Variants in CDK5RAP2 observed in about 807,000 individuals in gnomAD.
CDK5RAP2 encodes CDK5 regulatory subunit-associated protein 2.
A neutral mutation model predicts 232.9 loss-of-function variants in CDK5RAP2; 147 were observed. The ratio of observed to expected loss-of-function variants is 0.63; its 90% confidence interval spans 0.55 to 0.72. CDK5RAP2 has a LOEUF of 0.72. Ranked by LOEUF, CDK5RAP2 falls within the 30% of genes least tolerant of loss-of-function variation. CDK5RAP2 has a pLI of 0.00. For synonymous variants in CDK5RAP2, 833 were observed against 833.7 expected (o/e 1.00, Z 0.01); for missense variants, 2,195 against 2,231.5 (o/e 0.98, Z 0.33).
intron 16 of CDK5RAP2, among the ~76,000 whole-genome samples, chr9:120,471,233 G>C (rs543020921): frequency 6.6e-6 from 1 of 152,314 alleles, no homozygotes; most frequent in Non-Finnish European, 1.5e-5. Flanking sequence ...CCAGGGGAGA[G>C]GGTCAAATCT....
chr9:120,494,970 C>A (rs1482161764), intron 12 of CDK5RAP2, among the ~76,000 whole-genome samples: 1 of 132,976 alleles, frequency 7.5e-6, no homozygotes, highest in Non-Finnish European at 1.6e-5. Flanking sequence ...ACCGCAGCCG[C>A]CGCCGCCCGA....
chr9:120,477,356 G>C lies in CDK5RAP2; in HGVS notation c.1721C>G (p.Ser574Ter). ...TCCAGACAGAAACGCTTACCTGTCT[G>C]ATTCCTGCAGAGATTTGACCAGATG... ...YTHLVKSLQE[S>*]DSINNLQAEL... Residue 574 changes from serine (S) to a stop codon, truncating the protein, a stop_gained, in exon 15 of 38, where the codon TCA (serine) becomes TGA (stop). Transcript: ENST00000349780. LOFTEE classifies it high-confidence loss of function. 1 of 1,612,444 alleles carries C rather than the reference G, an allele frequency of 6.2e-7. No individual in the cohort carries two copies. The highest frequency in any genetic ancestry group is 8.5e-7 in the Non-Finnish European group (1 of 1,178,812).
At chr9:120,576,408 A>G (rs2043032831) in intron 1 of CDK5RAP2, among the ~76,000 whole-genome samples, 1 of 152,228 alleles carries the variant, frequency 6.6e-6, no homozygotes, top group South Asian at 2.1e-4. Flanking sequence ...CATGTAATCA[A>G]TACCACAATG....
At position 120,451,020 on chromosome 9, in the gene CDK5RAP2, C is replaced by T. The variant is rs78684946; in HGVS notation, c.2793+2436G>A. 4.9e-3 allele frequency among the ~76,000 whole-genome samples: 752 copies of T among 152,310 alleles called. 9 individuals carry two copies. The highest frequency in any genetic ancestry group is 0.017 in the African/African-American group (715 of 41,568). ...GCTGGAAAATAACAATCATTTGCTT[C>T]GTCCTCAGTCTCCACCAATCTTTAT... On this transcript the variant is annotated intron_variant, in intron 21 of 37. Transcript: ENST00000349780.
At chr9:120,428,545 A>G (rs1169305117) in intron 25 of CDK5RAP2, among the ~76,000 whole-genome samples, 1 of 152,270 alleles carries the variant, frequency 6.6e-6, no homozygotes, top group East Asian at 1.9e-4. Context: ...CACTATCCCC[A>G]GACTAAACTA....
chr9:120,448,104 G>C lies in CDK5RAP2; in HGVS notation c.2816C>G (p.Pro939Arg), dbSNP rs1483512208. The C allele has an allele frequency of 6.2e-7, 1 of 1,614,068 alleles. No homozygotes were observed. Among genetic ancestry groups the C allele is most frequent in the Non-Finnish European group, 8.5e-7 (1 of 1,179,922 alleles). The change falls in exon 22 of 38, where the codon CCA (proline) becomes CGA (arginine). Residue 939 changes from proline to arginine, a missense_variant. Physicochemically the swap from Pro to Arg is moderately radical, Grantham distance 103 (BLOSUM62 -2). Coordinates refer to ENST00000349780, the MANE Select transcript of CDK5RAP2 (RefSeq NM_018249.6). ...TNREAKKSRL[P>R]ILIKPSRSLG... The stretch of plus-strand genomic sequence containing the variant: ...TGACCGGGATGGTTTTATTAGGATT[G>C]GCAAGCGGGACTTCTTAGCCTCCTG...
intron 5 of CDK5RAP2, 27 bp from the exon 6 acceptor site, chr9:120,539,191 C>T (rs1215919037): frequency 7.4e-6 from 12 of 1,613,492 alleles, no homozygotes; most frequent in Non-Finnish European, 1.0e-5. Flanking sequence ...AGGGGTAAAA[C>T]ATGCAAGGGT....
At chr9:120,437,207 G>C (rs1262235264) in intron 25 of CDK5RAP2, 88 bp downstream of exon 25, 2 of 916,580 alleles carry the variant, frequency 2.2e-6, no homozygotes, top group Non-Finnish European at 3.5e-6. Context: ...GATAACTAAG[G>C]CCAAGGAGTT....
rs2032803723 is a variant in CDK5RAP2 at position 120,399,473 on chromosome 9, T to C, written c.5451+1269A>G. Among the ~76,000 whole-genome samples, 3 of 152,204 alleles carry C rather than the reference T, an allele frequency of 2.0e-5. 1 individual carries two copies. Among genetic ancestry groups the C allele is most frequent in the Admixed American group, 2.0e-4 (3 of 15,272 alleles). On this transcript the variant is annotated intron_variant, in intron 35 of 37. Transcript: ENST00000349780. ...TAAACAAATATACAATTATAACTTG[T>C]TGAAAGGCTATGATGAAACAGAAGA...
At position 120,453,764 on chromosome 9, in the gene CDK5RAP2, G is replaced by C. The variant is rs1179652815; in HGVS notation, c.2485C>G (p.Gln829Glu). 1.2e-6 allele frequency: 2 copies of C among 1,614,032 alleles called. No homozygotes were observed. Among genetic ancestry groups the C allele is most frequent in the Non-Finnish European group, 1.7e-6 (2 of 1,180,016 alleles). Residue 829 changes from glutamine (Q) to glutamate (E), a missense_variant, in exon 21 of 38, where the codon CAA becomes GAA. Transcript: ENST00000349780. ...ACAAAATGTACAAGTTCACCTTTTT[G>C]CTTAGGTGTCTTCTCAGTTTTACCA... Reference protein sequence around the residue: ...LDGKTEKTPKQKGELVHFVQT... With the variant: ...LDGKTEKTPKEKGELVHFVQT...
At chr9:120,456,911 C>G (rs570251724) in intron 20 of CDK5RAP2, among the ~76,000 whole-genome samples, 42 of 152,326 alleles carry the variant, frequency 2.8e-4, no homozygotes, top group African/African-American at 8.7e-4. Flanking sequence ...GAAATCTGAA[C>G]AGCAGATTCA....
At chr9:120,488,100 A>G (rs1330390490) in intron 13 of CDK5RAP2, among the ~76,000 whole-genome samples, 1 of 152,220 alleles carries the variant, frequency 6.6e-6, no homozygotes, top group Non-Finnish European at 1.5e-5. Flanking sequence ...AGTCTTCTGC[A>G]TGGAATCTAT....
intron 12 of CDK5RAP2, among the ~76,000 whole-genome samples, chr9:120,494,780 G>A (rs1184894080): frequency 7.0e-6 from 1 of 141,954 alleles, no homozygotes; most frequent in South Asian, 2.1e-4. Context: ...GGCCCCAGAA[G>A]GGTCGAAGGC....
chr9:120,567,810 CTG>C (rs1451061778), intron 3 of CDK5RAP2, among the ~76,000 whole-genome samples: 1 of 152,194 alleles, frequency 6.6e-6, no homozygotes, highest in Non-Finnish European at 1.5e-5. Flanking sequence ...TAATAAAAAC[CTG>C]GATTCAAATC....
chr9:120,543,454 C>T (rs2041720192), intron 5 of CDK5RAP2, among the ~76,000 whole-genome samples: 1 of 152,210 alleles, frequency 6.6e-6, no homozygotes, highest in African/African-American at 2.4e-5. Flanking sequence ...TCTCCTTGAA[C>T]AGTTTCTCTA....
chr9:120,550,220 G>C (rs1435977043), intron 4 of CDK5RAP2, among the ~76,000 whole-genome samples: 1 of 152,192 alleles, frequency 6.6e-6, no homozygotes, highest in South Asian at 2.1e-4. Context: ...GACAGTTACA[G>C]GCAAGCACAC....
intron 1 of CDK5RAP2, among the ~76,000 whole-genome samples, chr9:120,577,358 C>T (rs1402246072): frequency 5.7e-5 from 3 of 52,328 alleles, no homozygotes; most frequent in South Asian, 1.5e-3. Flanking sequence ...GAGACCCTGT[C>T]TCAAAAAAAA....
intron 25 of CDK5RAP2, among the ~76,000 whole-genome samples, chr9:120,425,084 G>A (rs1214104879): frequency 1.3e-5 from 2 of 152,098 alleles, no homozygotes; most frequent in South Asian, 2.1e-4. Flanking sequence ...TAAGCATTCC[G>A]GGTCTCCAGA....
intron 15 of CDK5RAP2, 93 bp downstream of exon 15, chr9:120,477,257 G>T: frequency 2.1e-6 from 2 of 973,408 alleles, no homozygotes; most frequent in Non-Finnish European, 3.3e-6. Flanking sequence ...CTGCCTTAGA[G>T]ATCAGCACTG....
Sources: gnomAD v4.1 joint callset for allele counts (sites outside exome capture counted in the v4.1 genomes callset) on GRCh38, gnomAD v4.1.1 for gene constraint, MANE v1.5 for transcripts, NCBI Gene and HGNC (gene_info 2026-07-23, HGNC 2026-07-21) for gene names.